Variants in PAK1 observed in about 807,000 individuals in gnomAD.
The protein encoded by PAK1 is p21 (RAC1) activated kinase 1, also known as serine/threonine-protein kinase PAK 1.
PAK1 carries 29 observed loss-of-function variants against 67.4 expected under a neutral mutation model. The observed-to-expected ratio is 0.43, with a 90% CI of 0.32 to 0.59. The LOEUF is 0.59. Ranked by LOEUF, PAK1 falls within the 20% of genes least tolerant of loss-of-function variation. The pLI, the probability that PAK1 is intolerant of heterozygous loss-of-function variation, is 0.07. For synonymous variants in PAK1, 223 were observed against 237.4 expected, an observed-to-expected ratio of 0.94 and a Z score of 0.56; for missense variants, 337 against 670.7, an observed-to-expected ratio of 0.50 and a Z score of 5.50.
intron 1 of PAK1, among the ~76,000 whole-genome samples, chr11:77,454,842 T>A (rs541917406): frequency 1.3e-5 from 2 of 152,280 alleles, no homozygotes; most frequent in East Asian, 3.9e-4. Context: ...TTGAATCAGA[T>A]TTAGGTTTAC....
chr11:77,387,221 T>G (rs1395491832), intron 2 of PAK1, among the ~76,000 whole-genome samples: 1 of 151,592 alleles, frequency 6.6e-6, no homozygotes, highest in Non-Finnish European at 1.5e-5. Context: ...TACAGGTGCC[T>G]GCCACCACAA....
chr11:77,498,733 G>T, the PAK1 span, among the ~76,000 whole-genome samples: 18 of 99,364 alleles, frequency 1.8e-4, no homozygotes, highest in South Asian at 6.8e-4. Context: ...ACAGAGTCTT[G>T]CTCTGTCACT....
At chr11:77,411,535 C>G (rs1351751832) in intron 1 of PAK1, among the ~76,000 whole-genome samples, 1 of 152,016 alleles carries the variant, frequency 6.6e-6, no homozygotes, top group Non-Finnish European at 1.5e-5. Flanking sequence ...AAAGGCGCAG[C>G]TTCCCCTTCA....
chr11:77,476,740 T>G (rs1958064740), upstream of PAK1: 1 of 152,190 alleles, frequency 6.6e-6, no homozygotes. Context: ...ATCCCAGCAC[T>G]TTGGGAGGCC....
upstream of PAK1, chr11:77,475,506 A>C (rs1042025919): frequency 6.6e-6 from 1 of 152,230 alleles, no homozygotes; most frequent in Non-Finnish European, 1.5e-5. Context: ...GACTGCTTAC[A>C]CTAGCCTTTC....
chr11:77,437,602 T>C (rs929414089), intron 1 of PAK1, among the ~76,000 whole-genome samples: 1 of 152,124 alleles, frequency 6.6e-6, no homozygotes, highest in Admixed American at 6.5e-5. Flanking sequence ...GGGGAAGAGG[T>C]AGCCACTACC....
At chr11:77,449,664 T>C (rs1956769774) in intron 1 of PAK1, among the ~76,000 whole-genome samples, 1 of 123,634 alleles carries the variant, frequency 8.1e-6, no homozygotes, top group East Asian at 2.3e-4. Flanking sequence ...CTGGAATGAA[T>C]AATGCTTTCC....
chr11:77,339,295 T>C (rs1425784610), intron 11 of PAK1, among the ~76,000 whole-genome samples: 2 of 152,068 alleles, frequency 1.3e-5, no homozygotes, highest in Non-Finnish European at 2.9e-5. Flanking sequence ...TATTCTCAAC[T>C]AGTGAAACTT....
At chr11:77,442,125 T>A (rs887240408) in intron 1 of PAK1, among the ~76,000 whole-genome samples, 1 of 152,210 alleles carries the variant, frequency 6.6e-6, no homozygotes, top group African/African-American at 2.4e-5. Context: ...CTTAACCTGT[T>A]TATTAAAGTT....
chr11:77,331,810 G>A (rs1164589975), intron 14 of PAK1, among the ~76,000 whole-genome samples: 8 of 137,466 alleles, frequency 5.8e-5, no homozygotes, highest in African/African-American at 1.8e-4. Context: ...AAAAAAAAAA[G>A]AATTAAAAAA....
chr11:77,396,227 G>A (rs1310712133), intron 1 of PAK1, among the ~76,000 whole-genome samples: 1 of 152,136 alleles, frequency 6.6e-6, no homozygotes, highest in Non-Finnish European at 1.5e-5. Flanking sequence ...ATAAGCATTG[G>A]AATCTAATAT....
In PAK1 at chr11:77,379,241, C is replaced by A. The variant is rs1207248741; in HGVS notation, c.439G>T (p.Asp147Tyr). 6.2e-7 allele frequency: 1 copy of A among 1,610,970 alleles called. No individual in the cohort carries two copies. Among genetic ancestry groups the A allele is most frequent in the Admixed American group, 1.7e-5 (1 of 59,790 alleles). Reference sequence around the variant, plus strand: ...ACTGCCCTGGACGCAGTTCTCATACCTGTAAAGCTCATGTATTTCTGGCTG... The same window carrying A: ...ACTGCCCTGGACGCAGTTCTCATACATGTAAAGCTCATGTATTTCTGGCTG... ...SNSQKYMSFT[D>Y]KSAEDYNSSN... Residue 147 changes from aspartate to tyrosine, a missense_variant and splice_region_variant, in exon 4 of 15, where the codon GAT becomes TAT. This residue lies in a region of PAK1 where 150 missense variants were observed against 179.0 expected (regional missense o/e 0.84). Coordinates refer to ENST00000356341, the MANE Select transcript of PAK1 (RefSeq NM_002576.5).
chr11:77,520,312 C>G, the PAK1 span, among the ~76,000 whole-genome samples: 1 of 152,170 alleles, frequency 6.6e-6, no homozygotes. Flanking sequence ...AGAGGCCTAT[C>G]TAAAGGTCCC....
At chr11:77,471,680 A>C (rs147314000) in intron 1 of PAK1, among the ~76,000 whole-genome samples, 1 of 152,282 alleles carries the variant, frequency 6.6e-6, no homozygotes, top group African/African-American at 2.4e-5. Flanking sequence ...TTTTTATTCC[A>C]TGTTACTCTG....
At chr11:77,521,993 C>A in the PAK1 span, among the ~76,000 whole-genome samples, 1 of 152,200 alleles carries the variant, frequency 6.6e-6, no homozygotes, top group Non-Finnish European at 1.5e-5. Context: ...CATAATTTCA[C>A]TCTCTAGTCC....
Position 77,358,856 on chromosome 11 carries a change from C to T in PAK1, c.597+42G>A, listed in dbSNP as rs574613051. 24 of 1,608,710 alleles carry T rather than the reference C, an allele frequency of 1.5e-5. No individual in the cohort carries two copies. In the South Asian group the frequency reaches 2.4e-4, roughly 16 times the overall value. On this transcript the variant is annotated intron_variant, in intron 6 of 14. Coordinates refer to ENST00000356341, the MANE Select transcript of PAK1 (RefSeq NM_002576.5). ...ACCAACTCCTCCCTCTCCCCACTTA[C>T]TCTAATAAATCACAAAACTGGCCAG...
At chr11:77,373,554 C>T (rs529589660) in intron 5 of PAK1, among the ~76,000 whole-genome samples, 8 of 138,948 alleles carry the variant, frequency 5.8e-5, no homozygotes, top group Non-Finnish European at 9.3e-5. Context: ...AGCAAAACCT[C>T]GTCTCTTTAA....
At chr11:77,425,328 TTAAG>T (rs1183163696) in intron 1 of PAK1, among the ~76,000 whole-genome samples, 10 of 151,988 alleles carry the variant, frequency 6.6e-5, no homozygotes, top group Non-Finnish European at 7.4e-5. Flanking sequence ...CTCACTTTAA[TTAAG>T]TTTGGACTCC....
chr11:77,500,207 G>T, the PAK1 span, among the ~76,000 whole-genome samples: 1 of 152,128 alleles, frequency 6.6e-6, no homozygotes, highest in Non-Finnish European at 1.5e-5. Context: ...GGTGGCTCAC[G>T]CCTGTAATCC....
Sources: allele counts gnomAD v4.1 joint callset (sites outside exome capture counted in the v4.1 genomes callset), GRCh38; gene constraint gnomAD v4.1.1; regional missense constraint gnomAD v4.1.1; transcripts MANE v1.5; gene names NCBI Gene and HGNC (gene_info 2026-07-23, HGNC 2026-07-21).